MYBBP1A: variants seen among roughly 807,000 people sequenced by gnomAD.
MYBBP1A encodes MYB binding protein 1a.
MYBBP1A carries 147 observed loss-of-function variants against 136.3 expected under a neutral mutation model. The ratio of observed to expected loss-of-function variants is 1.08; its 90% confidence interval spans 0.94 to 1.24. The LOEUF is 1.24. MYBBP1A is among the 50% of genes most tolerant of loss of function. MYBBP1A has a pLI of 0.00. For missense variants in MYBBP1A, 2,060 were observed against 1,727.4 expected (o/e 1.19, Z -3.41); for synonymous variants, 947 against 735.8 (o/e 1.29, Z -4.65).
At position 4,542,919 on chromosome 17, in the gene MYBBP1A, G is replaced by A. The variant is rs1567604939; in HGVS notation, c.2886C>T (p.Gly962=). 6.2e-7 allele frequency: 1 copy of A among 1,613,930 alleles called. No homozygotes were observed. Among genetic ancestry groups the A allele is most frequent in the Non-Finnish European group, 8.5e-7 (1 of 1,179,982 alleles). The part of the protein sequence containing the change: ...AGTDPSHMPT[G]PQAASCLDLN... Reference sequence around the variant, plus strand: ...TGGGCCAGGCCCTGCTCACCTGCGGGCCCGTGGGCATGTGGCTGGGGTCAG... The same window carrying A: ...TGGGCCAGGCCCTGCTCACCTGCGGACCCGTGGGCATGTGGCTGGGGTCAG... The change falls in exon 20 of 26, where the codon GGC becomes GGT. Residue 962 remains glycine (G), a synonymous_variant. Transcript: ENST00000254718.
At chr17:4,543,531 G>GC (rs1472184156) in intron 19 of MYBBP1A, among the ~76,000 whole-genome samples, 1 of 152,164 alleles carries the variant, frequency 6.6e-6, no homozygotes, top group African/African-American at 2.4e-5. Flanking sequence ...ACCCTCTGTG[G>GC]CCCTGCAGGG....
In MYBBP1A at chr17:4,546,452, G is replaced by A. The variant is rs541722738; in HGVS notation, c.1825-510C>T. On this transcript the variant is annotated intron_variant, in intron 13 of 25. Coordinates refer to ENST00000254718, the MANE Select transcript of MYBBP1A (RefSeq NM_014520.4). The stretch of plus-strand genomic sequence containing the variant: ...CTGACGGCTTTTTCACACCTAATAC[G>A]CAGTTACAGGATCCAAAAGCCTGAA... Among the ~76,000 whole-genome samples, 12 of 152,100 alleles carry A rather than the reference G, an allele frequency of 7.9e-5. No homozygotes were observed. The South Asian group carries it at 1.2e-3, about 16-fold the overall frequency.
Position 4,554,854 on chromosome 17 carries a change from A to G in MYBBP1A, c.294+7T>C. 6.2e-7 allele frequency: 1 copy of G among 1,612,522 alleles called. No individual in the cohort carries two copies. Among genetic ancestry groups the G allele is most frequent in the Non-Finnish European group, 8.5e-7 (1 of 1,179,628 alleles). On this transcript the variant is annotated splice_region_variant and intron_variant, in intron 2 of 25. Transcript: ENST00000254718. ...TGGCTGGGACCCTGCCAGGAGCACC[A>G]CCTCACCTGTGCCAGGGCCAAACTG...
chr17:4,538,909 T>TC lies in MYBBP1A; in HGVS notation c.*505dup. On this transcript the variant is annotated 3_prime_UTR_variant, in exon 26 of 26. Coordinates refer to ENST00000254718, the MANE Select transcript of MYBBP1A (RefSeq NM_014520.4). Reference sequence around the variant, plus strand: ...ACAAGAACCAGGTCCGAGTGTTGCCTCCTCTTCCTTCCGGAAGCCAAACTG... The same window carrying TC: ...ACAAGAACCAGGTCCGAGTGTTGCCTCCCTCTTCCTTCCGGAAGCCAAACTG... 1 of 781,668 alleles carries TC rather than the reference T, an allele frequency of 1.3e-6. No individual in the cohort carries two copies. The highest frequency in any genetic ancestry group is 2.4e-6 in the Non-Finnish European group (1 of 418,646). 48.4% of individuals were successfully genotyped at this position (781,668 alleles called of 1,614,324 possible). A position where few individuals can be genotyped will look rare whatever the true frequency, so the allele number is the denominator to read the frequency against.
In MYBBP1A at chr17:4,540,276, G is replaced by C. The variant is rs190209421; in HGVS notation, c.3434+72C>G. 1,452 of 1,515,216 alleles carry C rather than the reference G, an allele frequency of 9.6e-4. 10 individuals carry two copies. The highest frequency in any genetic ancestry group is 2.7e-4 in the Non-Finnish European group (307 of 1,127,582). 93.9% of individuals were successfully genotyped at this position (1,515,216 alleles called of 1,614,324 possible). On this transcript the variant is annotated intron_variant, in intron 25 of 25. Coordinates refer to ENST00000254718, the MANE Select transcript of MYBBP1A (RefSeq NM_014520.4). ...GTGTGCAGCAGCGTGTGTGCAGCGT[G>C]TGTGTGTGTGCAGCAGCGTGAGGGT...
At chr17:4,542,333 C>G in intron 22 of MYBBP1A, 131 bp downstream of exon 22, 1 of 1,063,794 alleles carries the variant, frequency 9.4e-7, no homozygotes, top group Non-Finnish European at 1.4e-6. Context: ...CACAGCCAAG[C>G]CAGTGGGGCA....
chr17:4,542,192 G>A (rs2144428815), intron 22 of MYBBP1A: 1 of 586,296 alleles, frequency 1.7e-6, no homozygotes, highest in East Asian at 2.8e-5. Flanking sequence ...ACACTACCAG[G>A]GGCATCCTGT....
In MYBBP1A at chr17:4,555,275, T is replaced by C. The variant is rs200421834; in HGVS notation, c.50A>G (p.Gln17Arg). ...GCGGTCGGCAGGCCGGGCGCCACTC[T>C]GCGTCGCTTCTCCAGGCGACATCGG... Reference protein sequence around the residue: ...AQPMSPGEATQSGARPADRYG... With the variant: ...AQPMSPGEATRSGARPADRYG... The change falls in exon 1 of 26, where the codon CAG (glutamine) becomes CGG (arginine). Residue 17 changes from glutamine to arginine, a missense_variant. Gln to Arg is a conservative substitution (Grantham distance 43, BLOSUM62 1). Coordinates refer to ENST00000254718, the MANE Select transcript of MYBBP1A (RefSeq NM_014520.4). The C allele has an allele frequency of 6.2e-5, 100 of 1,610,944 alleles. No individual in the cohort carries two copies. In the African/African-American group the frequency reaches 8.4e-4, roughly 14 times the overall value.
At chr17:4,554,540 C>T (rs1255877956) in intron 2 of MYBBP1A, among the ~76,000 whole-genome samples, 4 of 152,180 alleles carry the variant, frequency 2.6e-5, no homozygotes, top group South Asian at 2.1e-4. Context: ...CTTGTCAAGG[C>T]GCCTCAGAGA....
At position 4,555,225 on chromosome 17, in the gene MYBBP1A, C is replaced by T; in HGVS notation, c.100G>A (p.Glu34Lys). 9 of 1,612,072 alleles carry T rather than the reference C, an allele frequency of 5.6e-6. No individual in the cohort carries two copies. The highest frequency in any genetic ancestry group is 7.6e-6 in the Non-Finnish European group (9 of 1,179,522). The change falls in exon 1 of 26, where the codon GAG becomes AAG. Residue 34 changes from glutamate (E) to lysine (K), a missense_variant. Physicochemically the swap from Glu to Lys is moderately conservative, Grantham distance 56. Coordinates refer to ENST00000254718, the MANE Select transcript of MYBBP1A (RefSeq NM_014520.4). The part of the protein sequence containing the change: ...DRYGLLKHSR[E>K]FLDFFWDIAK... ...ATGTCCCAGAAGAAGTCCAAGAACT[C>T]GCGACTGTGCTTCAATAGGCCATAG... is the stretch of plus-strand genomic sequence containing the variant.
At chr17:4,549,943 G>A (rs570635900) in intron 9 of MYBBP1A, 115 bp downstream of exon 9, 14 of 1,154,430 alleles carry the variant, frequency 1.2e-5, no homozygotes, top group African/African-American at 1.1e-4. Context: ...CTTCCCCCTC[G>A]CTCCTCTCAT....
Position 4,552,713 on chromosome 17 carries a change from C to T in MYBBP1A, c.562-87G>A. 1 of 1,281,556 alleles carries T rather than the reference C, an allele frequency of 7.8e-7. No individual in the cohort carries two copies. Among genetic ancestry groups the T allele is most frequent in the Non-Finnish European group, 1.1e-6 (1 of 924,434 alleles). 79.4% of individuals were successfully genotyped at this position (1,281,556 alleles called of 1,614,324 possible). On this transcript the variant is annotated intron_variant, in intron 5 of 25. Coordinates refer to ENST00000254718, the MANE Select transcript of MYBBP1A (RefSeq NM_014520.4). This position sits in a 1 kb window ranked among gnomAD's most constrained non-coding sequence, Gnocchi z 4.7. ...TCTACCTGCTCCTGACACGGGGCCA[C>T]CTGGTGAGGTATCAGAGTCATCAGA...
rs1421508651 is a variant in MYBBP1A, at chr17:4,548,375, C to T, written c.1557-65G>A. The stretch of plus-strand genomic sequence containing the variant: ...AGTCAATGTAGCCGCCTCCCTCCGC[C>T]CTCCCCAGGGCTCGGTCTCCCGCCT... On this transcript the variant is annotated intron_variant, in intron 11 of 25. Transcript: ENST00000254718. This position sits in a 1 kb window ranked among gnomAD's most constrained non-coding sequence, Gnocchi z 4.2. 6.2e-7 allele frequency: 1 copy of T among 1,603,656 alleles called. No homozygotes were observed. The highest frequency in any genetic ancestry group is 8.5e-7 in the Non-Finnish European group (1 of 1,174,658).
chr17:4,551,666 A>ATG (rs1907515269), intron 8 of MYBBP1A, among the ~76,000 whole-genome samples: 7 of 152,176 alleles, frequency 4.6e-5, no homozygotes, highest in South Asian at 2.1e-4. Flanking sequence ...CCAAGATCTC[A>ATG]CCACTGCGCT....
intron 5 of MYBBP1A, among the ~76,000 whole-genome samples, chr17:4,553,213 G>A (rs1050180933): frequency 2.6e-5 from 4 of 152,160 alleles, no homozygotes; most frequent in Admixed American, 1.3e-4. Context: ...GCTGGGATTC[G>A]AATTCAGGTC....
rs769769256 is a variant in MYBBP1A at position 4,548,552 on chromosome 17, G to A, written c.1528C>T (p.Arg510Ter). The A allele has an allele frequency of 2.5e-6, 4 of 1,614,076 alleles. No individual in the cohort carries two copies. The highest frequency in any genetic ancestry group is 3.4e-6 in the Non-Finnish European group (4 of 1,180,042). Residue 510 changes from arginine (R) to a stop codon, truncating the protein, a stop_gained, in exon 11 of 26, where the codon CGA becomes TGA. Coordinates refer to ENST00000254718, the MANE Select transcript of MYBBP1A (RefSeq NM_014520.4). LOFTEE classifies it high-confidence loss of function. This position sits in a 1 kb window ranked among gnomAD's most constrained non-coding sequence, Gnocchi z 4.2. ...AAGAAGGCACTGCTGACAGCCTCTC[G>A]GGCCTGGTTTTCCAAAGGGAAGGAG... The part of the protein sequence containing the change: ...PFSFPLENQA[R>*]EAVSSAFFSL...
At chr17:4,546,711 G>GGTGTGCGCATGT (rs921769487) in intron 13 of MYBBP1A, among the ~76,000 whole-genome samples, 2 of 152,198 alleles carry the variant, frequency 1.3e-5, no homozygotes, top group Non-Finnish European at 2.9e-5. Flanking sequence ...GAGGTGGCGT[G>GGTGTGCGCATGT]GTGTGCGCAT....
rs200285589 is a variant in MYBBP1A, at chr17:4,544,504, G to T, written c.2624C>A (p.Thr875Lys). ...CCGTGCTCACGTGAAGATGCGCGCC[G>T]TCTTGTGCAGAAGGTCCTGCTCCTG... The part of the protein sequence containing the change: ...SKQEQDLLHK[T>K]ARIFTHHLCR... Residue 875 changes from threonine to lysine, a missense_variant, in exon 19 of 26, where the codon ACG (threonine) becomes AAG (lysine). Coordinates refer to ENST00000254718, the MANE Select transcript of MYBBP1A (RefSeq NM_014520.4). The T allele has an allele frequency of 3.9e-6, 6 of 1,551,240 alleles. No homozygotes were observed. Among genetic ancestry groups the T allele is most frequent in the Non-Finnish European group, 5.2e-6 (6 of 1,148,364 alleles).
chr17:4,539,794 C>T lies in MYBBP1A; in HGVS notation c.3608G>A (p.Ser1203Asn). 2 of 1,612,384 alleles carry T rather than the reference C, an allele frequency of 1.2e-6. No homozygotes were observed. Among genetic ancestry groups the T allele is most frequent in the Non-Finnish European group, 1.7e-6 (2 of 1,179,992 alleles). Reference sequence around the variant, plus strand: ...CTTCCTGCCCATGCTGGGGGGCTGGCTCCCGCCGGTGGCTGCAGGTGTGCC... The same window carrying T: ...CTTCCTGCCCATGCTGGGGGGCTGGTTCCCGCCGGTGGCTGCAGGTGTGCC... ...EDGTPAATGG[S>N]QPPSMGRKKR... Residue 1203 changes from serine (S) to asparagine (N), a missense_variant, in exon 26 of 26, where the codon AGC becomes AAC. By Grantham distance (46) the Ser-to-Asn change is conservative. Coordinates refer to ENST00000254718, the MANE Select transcript of MYBBP1A (RefSeq NM_014520.4).
Sources: allele counts gnomAD v4.1 joint callset (sites outside exome capture counted in the v4.1 genomes callset), GRCh38; gene constraint gnomAD v4.1.1; non-coding constraint Gnocchi (gnomAD v3.1); transcripts MANE v1.5; gene names NCBI Gene and HGNC (gene_info 2026-07-23, HGNC 2026-07-21).